SBF1: variants seen among roughly 807,000 people sequenced by gnomAD.
SBF1 encodes SET binding factor 1.
Under a neutral mutation model 215.8 loss-of-function variants are expected in SBF1, and 65 were observed. The ratio of observed to expected loss-of-function variants is 0.30; its 90% CI spans 0.25 to 0.37. The LOEUF (loss-of-function observed/expected upper bound fraction) is 0.37. SBF1 is among the 10% of genes least tolerant of loss of function. The pLI is 1.00. For missense variants in SBF1, 2,634 were observed against 2,667.8 expected, an observed-to-expected ratio of 0.99 and a Z score of 0.28; for synonymous variants, 1,410 against 1,122.8, an observed-to-expected ratio of 1.26 and a Z score of -5.11.
At position 50,466,656 on chromosome 22, in the gene SBF1, C is replaced by G; in HGVS notation, c.604G>C (p.Asp202His). 6.4e-7 allele frequency: 1 copy of G among 1,550,978 alleles called. No homozygotes were observed. The highest frequency in any genetic ancestry group is 8.7e-7 in the Non-Finnish European group (1 of 1,147,030). The part of the protein sequence containing the change: ...DRQVIQTPLA[D>H]SLPVSRCSVA... ...CTGCAGCGGCTGACGGGCAGCGAGT[C>G]GGCCAGTGGAGTCTGGATGACCTGC... The change falls in exon 6 of 41, where the codon GAC becomes CAC. Residue 202 changes from aspartate to histidine, a missense_variant. Asp to His is a moderately conservative substitution (Grantham distance 81, BLOSUM62 -1). Transcript: ENST00000380817.
intron 1 of SBF1, 94 bp downstream of exon 1, chr22:50,474,692 C>T: frequency 8.9e-7 from 1 of 1,123,562 alleles, no homozygotes; most frequent in Non-Finnish European, 1.2e-6. Flanking sequence ...GCCCTCGGCC[C>T]CCAGCCCCCG....
chr22:50,460,606 G>A lies in SBF1; in HGVS notation c.3074C>T (p.Ala1025Val), dbSNP rs763503786. 1.4e-5 allele frequency: 23 copies of A among 1,614,006 alleles called. No homozygotes were observed. The highest frequency in any genetic ancestry group is 8.8e-5 in the South Asian group (8 of 91,092). ...RYPPDIRATF[A>V]FTLGSAHTPG... Reference sequence around the variant, plus strand: ...TGTGTGGGCAGAGCCCAAGGTGAACGCAAAGGTGGCCCTGATGTCCGGCGG... The same window carrying A: ...TGTGTGGGCAGAGCCCAAGGTGAACACAAAGGTGGCCCTGATGTCCGGCGG... Residue 1025 changes from alanine to valine, a missense_variant, in exon 24 of 41, where the codon GCG (alanine) becomes GTG (valine). By Grantham distance (64) the Ala-to-Val change is moderately conservative. Transcript: ENST00000380817.
chr22:50,472,652 G>A (rs927885450), intron 1 of SBF1, among the ~76,000 whole-genome samples: 1 of 152,212 alleles, frequency 6.6e-6, no homozygotes, highest in South Asian at 2.1e-4. Context: ...GAGGCACAGA[G>A]AGCCAAACAA....
intron 36 of SBF1, among the ~76,000 whole-genome samples, chr22:50,451,653 A>G (rs2067051802): frequency 6.6e-6 from 1 of 152,186 alleles, no homozygotes; most frequent in Non-Finnish European, 1.5e-5. Flanking sequence ...AAAAACCACA[A>G]TGGTCAAATT....
intron 16 of SBF1, 127 bp from the exon 17 acceptor site, chr22:50,463,065 G>C: frequency 8.5e-7 from 1 of 1,172,054 alleles, no homozygotes; most frequent in Non-Finnish European, 1.2e-6. Flanking sequence ...AGCTCCCCAA[G>C]GCTGCCTCAG....
At chr22:50,466,952 G>A (rs2067790109) in intron 5 of SBF1, 5 of 559,182 alleles carry the variant, frequency 8.9e-6, no homozygotes, top group Admixed American at 3.5e-5. Flanking sequence ...GGGCCTAGGT[G>A]GGCGGAAGAA....
Position 50,464,338 on chromosome 22 carries a change from C to G in SBF1, c.1740G>C (p.Glu580Asp), listed in dbSNP as rs1458938046. 2 of 1,613,654 alleles carry G rather than the reference C, an allele frequency of 1.2e-6. No individual in the cohort carries two copies. Among genetic ancestry groups the G allele is most frequent in the East Asian group, 4.5e-5 (2 of 44,880 alleles). The change falls in exon 15 of 41, where the codon GAG becomes GAC. Residue 580 changes from glutamate to aspartate, a missense_variant. Physicochemically the swap from Glu to Asp is conservative, Grantham distance 45 (BLOSUM62 2). Transcript: ENST00000380817. ...CCTGCACAGCCCTCACCTTCTTGGC[C>G]TCAAGCATTTTCCCCTCAAACACGT... ...ISYVFEGKML[E>D]AKKLLPAVLR...
rs544350824 is a variant in SBF1, at chr22:50,466,336, C to T, written c.788+14G>A. 1.4e-4 allele frequency: 214 copies of T among 1,583,794 alleles called. 6 individuals carry two copies. In the South Asian group the frequency reaches 2.0e-3, roughly 15 times the overall value. On this transcript the variant is annotated intron_variant, in intron 7 of 40. Coordinates refer to ENST00000380817, the MANE Select transcript of SBF1 (RefSeq NM_002972.4). ...GGCCAGGAGAAGGGGCTGGGAGGGCCGGGCAGGGGTCACCTGTATCTGAGA... is the reference window on the plus strand; with the variant it reads ...GGCCAGGAGAAGGGGCTGGGAGGGCTGGGCAGGGGTCACCTGTATCTGAGA...
rs971931465 is a variant in SBF1, at chr22:50,467,106, C to G, written c.549+232G>C. The G allele has an allele frequency of 6.7e-6, 4 of 595,588 alleles. No homozygotes were observed. The East Asian group carries it at 1.1e-4, about 17-fold the overall frequency. 36.9% of individuals were successfully genotyped at this position (595,588 alleles called of 1,614,324 possible). ...GCTGACATCAACATCCAGAGACAGG[C>G]ACACACCATCAAAGGAGTGGACAGA... On this transcript the variant is annotated intron_variant, in intron 5 of 40. Transcript: ENST00000380817.
intron 1 of SBF1, 118 bp downstream of exon 1, chr22:50,474,668 C>G: frequency 1.2e-6 from 1 of 809,242 alleles, no homozygotes; most frequent in Non-Finnish European, 1.8e-6. Flanking sequence ...CTCGGCCTCC[C>G]GACCCAGCCC....
At chr22:50,456,923 G>A (rs773854682) in intron 29 of SBF1, 111 bp downstream of exon 29, 189 of 951,598 alleles carry the variant, frequency 2.0e-4, no homozygotes, top group Non-Finnish European at 2.6e-4. Context: ...GAGACGGGTC[G>A]TTAGTGTCAG....
chr22:50,466,111 G>A (rs762573539), intron 8 of SBF1, 37 bp from the exon 9 acceptor site: 3 of 1,613,046 alleles, frequency 1.9e-6, no homozygotes, highest in East Asian at 4.5e-5. Flanking sequence ...GGGACCTGCA[G>A]GCCTGGGCCG....
chr22:50,463,027 C>T (rs764914050), intron 16 of SBF1, 89 bp from the exon 17 acceptor site: 12 of 1,342,376 alleles, frequency 8.9e-6, no homozygotes, highest in Non-Finnish European at 1.3e-5. Flanking sequence ...ATAACCACCA[C>T]AGACCAGCAC....
At chr22:50,456,185 G>C (rs1339363852) in intron 31 of SBF1, 31 bp downstream of exon 31, 5 of 1,605,476 alleles carry the variant, frequency 3.1e-6, no homozygotes, top group Middle Eastern at 2.2e-4. Flanking sequence ...CCAGCACCAA[G>C]GCGGGCAGAG....
intron 6 of SBF1, 57 bp from the exon 7 acceptor site, chr22:50,466,539 G>C (rs993107462): frequency 2.0e-6 from 3 of 1,529,518 alleles, no homozygotes. Context: ...GGCAGAGTGA[G>C]AACCCACATC....
At chr22:50,474,621 C>G (rs1337964781) in intron 1 of SBF1, among the ~76,000 whole-genome samples, 165 bp downstream of exon 1, 4 of 149,898 alleles carry the variant, frequency 2.7e-5, no homozygotes, top group African/African-American at 9.9e-5. Flanking sequence ...CAGCGCCCAG[C>G]CCCCGGTCCT....
intron 15 of SBF1, among the ~76,000 whole-genome samples, chr22:50,464,127 G>A (rs1021905077): frequency 2.0e-5 from 3 of 152,192 alleles, no homozygotes; most frequent in Admixed American, 1.3e-4. Flanking sequence ...TGGGTCTCCC[G>A]CGCAGGCCCG....
rs377264688 is a variant in SBF1 at position 50,474,366 on chromosome 22, G to A, written c.55+420C>T. 2.8e-3 allele frequency among the ~76,000 whole-genome samples: 426 copies of A among 152,210 alleles called. 3 individuals are homozygous for A. Among genetic ancestry groups the A allele is most frequent in the Non-Finnish European group, 4.5e-3 (303 of 68,028 alleles). On this transcript the variant is annotated intron_variant, in intron 1 of 40. Transcript: ENST00000380817. ...AGGCGGGCTGGCGAGCCGCGGGTCCGCGCCCCTGGAGCCACTAGAGCCACA... is the reference window on the plus strand; with the variant it reads ...AGGCGGGCTGGCGAGCCGCGGGTCCACGCCCCTGGAGCCACTAGAGCCACA...
At chr22:50,460,229 C>G in intron 25 of SBF1, 43 bp downstream of exon 25, 2 of 1,600,982 alleles carry the variant, frequency 1.2e-6, no homozygotes, top group African/African-American at 1.3e-5. Context: ...TGGCCAATGT[C>G]AGCATCCAGA....
Sources: allele counts gnomAD v4.1 joint callset (sites outside exome capture counted in the v4.1 genomes callset), GRCh38; gene constraint gnomAD v4.1.1; transcripts MANE v1.5; gene names NCBI Gene and HGNC (gene_info 2026-07-23, HGNC 2026-07-21).